The following SV2B variants were observed in gnomAD, a reference collection of about 807,000 sequenced individuals.
SV2B encodes synaptic vesicle glycoprotein 2B.
In SV2B, 41 loss-of-function variants were observed where a neutral mutation model predicts 73.9. The ratio of observed to expected loss-of-function variants is 0.56; its 90% confidence interval spans 0.43 to 0.72. The LOEUF (loss-of-function observed/expected upper bound fraction) is 0.72, where lower values mean the gene tolerates loss of function less well. Ranked by LOEUF, SV2B falls within the 30% of genes least tolerant of loss-of-function variation. The probability of loss-of-function intolerance (pLI) is 0.00; values close to 1 mark genes in which losing one functional copy is unlikely to be tolerated. For missense variants in SV2B, 764 were observed against 857.8 expected (o/e 0.89, Z 1.37); for synonymous variants, 314 against 314.2 (o/e 1.00, Z 0.01).
In SV2B at chr15:91,251,161, A is replaced by G. The variant is rs140672786; in HGVS notation, c.452-658A>G. On this transcript the variant is annotated intron_variant, in intron 2 of 12. Coordinates refer to ENST00000394232, the MANE Select transcript of SV2B (RefSeq NM_001323032.3). Reference sequence around the variant, plus strand: ...AAATAAATTCACACATTTATGGCCAATTGATTTCCAACAAAAGTGCCAAGA... The same window carrying G: ...AAATAAATTCACACATTTATGGCCAGTTGATTTCCAACAAAAGTGCCAAGA... Among the ~76,000 whole-genome samples the G allele has an allele frequency of 4.2e-3, 647 of 152,372 alleles. 6 individuals carry two copies. The highest frequency in any genetic ancestry group is 0.015 in the African/African-American group (626 of 41,588).
At chr15:91,243,249 G>T (rs988674428) in intron 2 of SV2B, among the ~76,000 whole-genome samples, 13 of 152,294 alleles carry the variant, frequency 8.5e-5, no homozygotes, top group Non-Finnish European at 1.0e-4. Context: ...AGAGCTATCA[G>T]AGGTGTCATA....
At chr15:91,266,823 A>AG (rs886481639) in intron 7 of SV2B, 131 bp downstream of exon 7, 10 of 679,380 alleles carry the variant, frequency 1.5e-5, no homozygotes, top group African/African-American at 3.7e-5. Context: ...GCAACCCTGG[A>AG]GGGGGGCGTT....
chr15:91,113,164 A>C (rs995909402), intron 1 of SV2B, among the ~76,000 whole-genome samples: 1 of 152,254 alleles, frequency 6.6e-6, no homozygotes, highest in African/African-American at 2.4e-5. Context: ...TGCAGTTTAG[A>C]AGCCTTTGGC....
intron 1 of SV2B, among the ~76,000 whole-genome samples, chr15:91,167,235 G>C (rs1175788995): frequency 6.6e-6 from 1 of 152,122 alleles, no homozygotes; most frequent in Non-Finnish European, 1.5e-5. Context: ...CTCAACATCT[G>C]GTCATTTTGG....
Position 91,115,629 on chromosome 15 carries a change from G to A in SV2B, c.-392+15266G>A, listed in dbSNP as rs149911649. ...TGAACTCAAGCGATCCACCCGCCTC[G>A]ACCTCTCAAAGTGCTGGGATTACAG... On this transcript the variant is annotated intron_variant, in intron 1 of 12. Coordinates refer to ENST00000394232, the MANE Select transcript of SV2B (RefSeq NM_001323032.3). The surrounding 1 kb of genome is among the most constrained non-coding windows in gnomAD (Gnocchi z 4.3). 7.2e-3 allele frequency among the ~76,000 whole-genome samples: 1,096 copies of A among 151,794 alleles called. 18 individuals carry two copies. The highest frequency in any genetic ancestry group is 0.025 in the African/African-American group (1,019 of 41,358).
Position 91,300,087 on chromosome 15 carries a change from T to C in SV2B, c.*7535T>C, listed in dbSNP as rs1316411039. 3 of 152,228 alleles carry C rather than the reference T, an allele frequency of 2.0e-5. No homozygotes were observed. Among genetic ancestry groups the C allele is most frequent in the Non-Finnish European group, 4.4e-5 (3 of 68,020 alleles). The allele number at this position is 152,228 out of a possible 1,614,324, so 9.4% of individuals were successfully genotyped here. A position where few individuals can be genotyped will look rare whatever the true frequency, so the allele number is the denominator to read the frequency against. ...CTTGCTGTGCACTAGTCAGTTTTGATTCAGGTTACATAAGGGATAAAATAT... is the reference window on the plus strand; with the variant it reads ...CTTGCTGTGCACTAGTCAGTTTTGACTCAGGTTACATAAGGGATAAAATAT... On this transcript the variant is annotated 3_prime_UTR_variant, in exon 13 of 13. Coordinates refer to ENST00000394232, the MANE Select transcript of SV2B (RefSeq NM_001323032.3).
intron 4 of SV2B, among the ~76,000 whole-genome samples, chr15:91,254,144 T>C (rs760132182): frequency 2.6e-4 from 40 of 152,178 alleles, no homozygotes; most frequent in Non-Finnish European, 4.0e-4. Context: ...TTGCTTTCCT[T>C]TTTCTTTTTT....
intron 1 of SV2B, among the ~76,000 whole-genome samples, chr15:91,126,775 G>C (rs1489459773): frequency 1.3e-5 from 2 of 152,122 alleles, no homozygotes; most frequent in Non-Finnish European, 2.9e-5. Context: ...CATTTTAATA[G>C]ACAGAAAAAC....
At chr15:91,143,519 A>G (rs1238520870) in intron 1 of SV2B, among the ~76,000 whole-genome samples, 5 of 152,322 alleles carry the variant, frequency 3.3e-5, no homozygotes, top group African/African-American at 1.2e-4. Context: ...TGACTTTGCA[A>G]ACAAAAGACA....
chr15:91,170,277 G>A (rs1596514451), intron 1 of SV2B, among the ~76,000 whole-genome samples: 1 of 148,134 alleles, frequency 6.8e-6, no homozygotes, highest in Non-Finnish European at 1.5e-5. Context: ...AGATATATGC[G>A]GATTTGTTGG....
At chr15:91,254,738 G>A (rs2047620723) in intron 4 of SV2B, among the ~76,000 whole-genome samples, 1 of 152,094 alleles carries the variant, frequency 6.6e-6, no homozygotes, top group Non-Finnish European at 1.5e-5. Flanking sequence ...CTGCCAGCCC[G>A]AACCTTTGGC....
chr15:91,283,870 G>GGCCACATATTACCTTGACGACATA lies in SV2B; in HGVS notation c.1508-133_1508-132insGACATAGCCACATATTACCTTGAC. 1.3e-6 allele frequency: 1 copy of GGCCACATATTACCTTGACGACATA among 768,186 alleles called. No individual in the cohort carries two copies. Among genetic ancestry groups the GGCCACATATTACCTTGACGACATA allele is most frequent in the Non-Finnish European group, 2.2e-6 (1 of 456,282 alleles). The allele number at this position is 768,186 out of a possible 1,614,324, so 47.6% of individuals were successfully genotyped here. ...CTCCTCATCCATACCTTGATGACAT[G>GGCCACATATTACCTTGACGACATA]GCCACATATTACCTTGACTTTGAGG... On this transcript the variant is annotated intron_variant, in intron 10 of 12. Coordinates refer to ENST00000394232, the MANE Select transcript of SV2B (RefSeq NM_001323032.3). The surrounding 1 kb of genome is among the most constrained non-coding windows in gnomAD (Gnocchi z 4.3).
At chr15:91,170,789 T>G (rs991355179) in intron 1 of SV2B, among the ~76,000 whole-genome samples, 2 of 152,248 alleles carry the variant, frequency 1.3e-5, no homozygotes, top group African/African-American at 4.8e-5. Flanking sequence ...ACGGAAATTT[T>G]TCCTCATCTA....
chr15:91,233,077 T>C (rs1316116749), intron 2 of SV2B, among the ~76,000 whole-genome samples: 1 of 152,200 alleles, frequency 6.6e-6, no homozygotes, highest in Non-Finnish European at 1.5e-5. Flanking sequence ...CCATGGTGTA[T>C]ATGCACCACC....
chr15:91,189,770 C>T (rs950609374), intron 1 of SV2B, among the ~76,000 whole-genome samples: 1 of 152,176 alleles, frequency 6.6e-6, no homozygotes, highest in Non-Finnish European at 1.5e-5. Context: ...GGATGGATCA[C>T]GAGGTCAGGA....
chr15:91,249,089 C>T (rs2141601030), intron 2 of SV2B, among the ~76,000 whole-genome samples: 1 of 148,704 alleles, frequency 6.7e-6, no homozygotes, highest in East Asian at 2.0e-4. Flanking sequence ...CACACACACA[C>T]ACACACACAC....
intron 1 of SV2B, among the ~76,000 whole-genome samples, chr15:91,185,434 T>G (rs1037756167): frequency 1.3e-5 from 2 of 152,254 alleles, no homozygotes; most frequent in Non-Finnish European, 2.9e-5. Flanking sequence ...CACTGTTATC[T>G]ACTTAATTTG....
rs888867898 is a variant in SV2B, at chr15:91,224,675, G to A, written c.-391-1198G>A. 7.2e-5 allele frequency among the ~76,000 whole-genome samples: 11 copies of A among 152,278 alleles called. No individual in the cohort carries two copies. Among genetic ancestry groups the A allele is most frequent in the African/African-American group, 2.6e-4 (11 of 41,538 alleles). On this transcript the variant is annotated intron_variant, in intron 1 of 12. Transcript: ENST00000394232. The surrounding 1 kb of genome is among the most constrained non-coding windows in gnomAD (Gnocchi z 4.9). Reference sequence around the variant, plus strand: ...GTCCTAATGCTGTGACCTTGATCGCGTTACTAACCCACTCGGAGACAGTTT... The same window carrying A: ...GTCCTAATGCTGTGACCTTGATCGCATTACTAACCCACTCGGAGACAGTTT...
intron 1 of SV2B, among the ~76,000 whole-genome samples, chr15:91,191,545 C>T (rs1366809649): frequency 6.6e-6 from 1 of 152,136 alleles, no homozygotes. Context: ...CCCACTGACC[C>T]CCTTGTCTGC....
Sources: gnomAD v4.1 joint callset for allele counts (sites outside exome capture counted in the v4.1 genomes callset) on GRCh38, gnomAD v4.1.1 for gene constraint, Gnocchi (gnomAD v3.1) non-coding constraint, MANE v1.5 for transcripts, NCBI Gene and HGNC (gene_info 2026-07-23, HGNC 2026-07-21) for gene names.